Variants in PKMYT1 observed in about 807,000 individuals in gnomAD.
PKMYT1 encodes the protein membrane-associated tyrosine- and threonine-specific cdc2-inhibitory kinase.
A neutral mutation model predicts 49.7 loss-of-function variants in PKMYT1; 35 were observed. That is an observed-to-expected ratio of 0.70 (90% CI 0.54 to 0.93). The LOEUF (loss-of-function observed/expected upper bound fraction) is 0.93, where lower values mean the gene tolerates loss of function less well. Ranked by LOEUF, PKMYT1 falls within the 40% of genes least tolerant of loss-of-function variation. The pLI is 0.00. For missense variants in PKMYT1, 677 were observed against 673.1 expected (o/e 1.01, Z -0.06); for synonymous variants, 331 against 287.6 (o/e 1.15, Z -1.53).
Position 2,976,884 on chromosome 16 carries a change from G to T in PKMYT1, c.158C>A (p.Pro53His). ...RPRGLSRSLP[P>H]PPPAKGSIPI... is the part of the protein sequence containing the mutation. The stretch of plus-strand genomic sequence containing the variant: ...AATGCTGCCCTTGGCAGGGGGCGGA[G>T]GTGGGAGGCTCCGGCTGAGCCCCCT... The change falls in exon 3 of 9, where the codon CCT becomes CAT. Residue 53 changes from proline to histidine, a missense_variant. Transcript: ENST00000262300. The T allele has an allele frequency of 6.5e-7, 1 of 1,535,802 alleles. No individual in the cohort carries two copies. The highest frequency in any genetic ancestry group is 2.4e-5 in the East Asian group (1 of 41,058).
Position 2,972,910 on chromosome 16 carries a change from A to G in PKMYT1, c.*43T>C. On this transcript the variant is annotated 3_prime_UTR_variant, in exon 9 of 9. Transcript: ENST00000262300. ...CCAGCTTTCAAGGGCGACGGGAGAGACACAGGATAAAAGGTTAAAAGTGCA... is the reference window on the plus strand; with the variant it reads ...CCAGCTTTCAAGGGCGACGGGAGAGGCACAGGATAAAAGGTTAAAAGTGCA... 6.4e-7 allele frequency: 1 copy of G among 1,565,804 alleles called. No individual in the cohort carries two copies. Among genetic ancestry groups the G allele is most frequent in the South Asian group, 1.2e-5 (1 of 85,830 alleles).
At chr16:2,975,286 C>T in intron 4 of PKMYT1, 33 bp downstream of exon 4, 1 of 1,565,506 alleles carries the variant, frequency 6.4e-7, no homozygotes, top group Non-Finnish European at 8.7e-7. Context: ...CCTCCCACAG[C>T]CTGCCAAACA....
chr16:2,975,112 C>A lies in PKMYT1; in HGVS notation c.872+207G>T, dbSNP rs1010400757. ...TGTGGAGCTGTGAGGAGGCAGGTTA[C>A]ACAAAGTGGCTCTGGAGGGTTCGAG... On this transcript the variant is annotated intron_variant, in intron 4 of 8. Coordinates refer to ENST00000262300, the MANE Select transcript of PKMYT1 (RefSeq NM_004203.5). Among the ~76,000 whole-genome samples, 3 of 152,318 alleles carry A rather than the reference C, an allele frequency of 2.0e-5. No individual in the cohort carries two copies. The East Asian group carries it at 5.8e-4, about 29-fold the overall frequency.
chr16:2,976,698 C>A lies in PKMYT1; in HGVS notation c.344G>T (p.Arg115Leu). The A allele has an allele frequency of 6.7e-7, 1 of 1,487,990 alleles. No individual in the cohort carries two copies. The highest frequency in any genetic ancestry group is 2.3e-5 in the East Asian group (1 of 42,988). 92.2% of individuals were successfully genotyped at this position (1,487,990 alleles called of 1,614,324 possible). ...FFQQSFQRLS[R>L]LGHGSYGEVF... ...CTCTCCGTAGGAGCCATGGCCCAGG[C>A]GGCTGAGCCTCTGGAAGCTCTGCTG... Residue 115 changes from arginine (R) to leucine (L), a missense_variant, in exon 3 of 9, where the codon CGC becomes CTC. Arg to Leu is a moderately radical substitution (Grantham distance 102, BLOSUM62 -2). Coordinates refer to ENST00000262300, the MANE Select transcript of PKMYT1 (RefSeq NM_004203.5).
At position 2,976,961 on chromosome 16, in the gene PKMYT1, T is replaced by G; in HGVS notation, c.81A>C (p.Pro27=). 1 of 1,556,122 alleles carries G rather than the reference T, an allele frequency of 6.4e-7. No homozygotes were observed. The highest frequency in any genetic ancestry group is 1.4e-5 in the African/African-American group (1 of 73,776). Residue 27 remains proline (P), a synonymous_variant, in exon 3 of 9, where the codon CCA becomes CCC. Coordinates refer to ENST00000262300, the MANE Select transcript of PKMYT1 (RefSeq NM_004203.5). Reference sequence around the variant, plus strand: ...CTGCGTGGCGGAAGTAGGCTGGGACTGGGATGGGGGTGCCACTCAGAGGTG... The same window carrying G: ...CTGCGTGGCGGAAGTAGGCTGGGACGGGGATGGGGGTGCCACTCAGAGGTG... ...TPPPLSGTPI[P]VPAYFRHAEP... is the part of the protein sequence containing the mutation.
intron 2 of PKMYT1, chr16:2,977,635 A>C: frequency 3.1e-6 from 1 of 317,658 alleles, no homozygotes; most frequent in Non-Finnish European, 4.6e-6. Context: ...CACACAGCAA[A>C]CAAAGGTTTA....
At chr16:2,974,841 T>A in intron 4 of PKMYT1, 185 bp from the exon 5 acceptor site, 1 of 592,782 alleles carries the variant, frequency 1.7e-6, no homozygotes, top group Non-Finnish European at 3.0e-6. Context: ...GATGGGGACA[T>A]CATGGAATAT....
chr16:2,979,799 T>C lies in PKMYT1; in HGVS notation c.-142A>G. On this transcript the variant is annotated 5_prime_UTR_variant, in exon 2 of 9. Transcript: ENST00000262300. ...CGGGGCCCTGGGCGATCGGGCCGTCTCGCCTCACCCTCTCACCAGGCCCGA... is the reference window on the plus strand; with the variant it reads ...CGGGGCCCTGGGCGATCGGGCCGTCCCGCCTCACCCTCTCACCAGGCCCGA... 1 of 920,448 alleles carries C rather than the reference T, an allele frequency of 1.1e-6. No homozygotes were observed. Among genetic ancestry groups the C allele is most frequent in the Non-Finnish European group, 1.7e-6 (1 of 587,736 alleles). 57.0% of individuals were successfully genotyped at this position (920,448 alleles called of 1,614,324 possible). A position where few individuals can be genotyped will look rare whatever the true frequency, so the allele number is the denominator to read the frequency against.
Position 2,974,073 on chromosome 16 carries a change from G to C in PKMYT1, c.1237C>G (p.Pro413Ala). 2.5e-6 allele frequency: 4 copies of C among 1,611,430 alleles called. No individual in the cohort carries two copies. The highest frequency in any genetic ancestry group is 2.5e-6 in the Non-Finnish European group (3 of 1,179,374). ...WLQPLGPPAT[P>A]PGSPPCSLLL... The stretch of plus-strand genomic sequence containing the variant: ...AAACTGCAGGGTGGTGAGCCAGGCG[G>C]GGTGGCTGGCGGGCCCAGGGGCTGT... Residue 413 changes from proline to alanine, a missense_variant, in exon 7 of 9, where the codon CCG (proline) becomes GCG (alanine). By Grantham distance (27) the Pro-to-Ala change is conservative (BLOSUM62 -1). Transcript: ENST00000262300.
intron 7 of PKMYT1, 49 bp downstream of exon 7, chr16:2,973,951 A>T: frequency 6.6e-7 from 1 of 1,521,026 alleles, no homozygotes; most frequent in Non-Finnish European, 9.1e-7. Context: ...AGCCCCGGTG[A>T]TATCCCCCAC....
In PKMYT1 at chr16:2,979,855, G is replaced by A. The variant is rs866783117; in HGVS notation, c.-198C>T. The A allele has an allele frequency of 9.6e-6, 6 of 622,210 alleles. No homozygotes were observed. The highest frequency in any genetic ancestry group is 4.2e-4 in the Middle Eastern group (1 of 2,372). The allele number at this position is 622,210 out of a possible 1,614,324, so 38.5% of individuals were successfully genotyped here. A position where few individuals can be genotyped will look rare whatever the true frequency, so the allele number is the denominator to read the frequency against. ...CTGCTGGCCACCTTTCCCGGTAGAC[G>A]GTAAGTTCCTCCCAGGCAGGGCCGC... On this transcript the variant is annotated 5_prime_UTR_variant, in exon 2 of 9. Coordinates refer to ENST00000262300, the MANE Select transcript of PKMYT1 (RefSeq NM_004203.5).
At position 2,972,949 on chromosome 16, in the gene PKMYT1, G is replaced by C; in HGVS notation, c.*4C>G. ...GTTAAAAGTGCAGAGGCAGAGTCTG[G>C]GGCTCAGGTTGGGTCTAGGGTGTCC... On this transcript the variant is annotated 3_prime_UTR_variant, in exon 9 of 9. Coordinates refer to ENST00000262300, the MANE Select transcript of PKMYT1 (RefSeq NM_004203.5). The C allele has an allele frequency of 6.2e-7, 1 of 1,600,416 alleles. No individual in the cohort carries two copies. The highest frequency in any genetic ancestry group is 8.5e-7 in the Non-Finnish European group (1 of 1,174,048).
At chr16:2,973,325 G>A in intron 7 of PKMYT1, 110 bp from the exon 8 acceptor site, 1 of 1,532,358 alleles carries the variant, frequency 6.5e-7, no homozygotes, top group Middle Eastern at 1.7e-4. Flanking sequence ...AACAGGCAGG[G>A]AGCCACAGTC....
intron 3 of PKMYT1, chr16:2,976,113 A>G: frequency 2.6e-6 from 1 of 391,140 alleles, no homozygotes; most frequent in African/African-American, 2.0e-5. Context: ...CAGGCAGCCC[A>G]GGCTGTGGTG....
intron 3 of PKMYT1, 26 bp downstream of exon 3, chr16:2,976,638 G>A (rs780415408): frequency 7.0e-6 from 10 of 1,426,290 alleles, no homozygotes; most frequent in Non-Finnish European, 9.2e-6. Context: ...CCCCCAGATG[G>A]GCCTAGAAGC....
Position 2,979,745 on chromosome 16 carries a change from G to A in PKMYT1, c.-88C>T, listed in dbSNP as rs957532340. On this transcript the variant is annotated 5_prime_UTR_variant, in exon 2 of 9. Transcript: ENST00000262300. ...TGAATCCAGGGTGTCCCTGAGCTAA[G>A]GCCAGGCGGGGGTGACCTCCGCAGC... 3.2e-5 allele frequency: 51 copies of A among 1,575,706 alleles called. No homozygotes were observed. Among genetic ancestry groups the A allele is most frequent in the Non-Finnish European group, 4.3e-5 (50 of 1,150,986 alleles).
At chr16:2,976,302 C>G (rs1227341354) in intron 3 of PKMYT1, among the ~76,000 whole-genome samples, 1 of 152,190 alleles carries the variant, frequency 6.6e-6, no homozygotes, top group Admixed American at 6.5e-5. Flanking sequence ...TAGCTCAAAG[C>G]CTGCCAGCCT....
rs1332136732 is a variant in PKMYT1 at position 2,980,372 on chromosome 16, G to C, written c.-342C>G. On this transcript the variant is annotated 5_prime_UTR_variant, in exon 1 of 9. Coordinates refer to ENST00000262300, the MANE Select transcript of PKMYT1 (RefSeq NM_004203.5). ...CGGGACCCCTCGGGTGGCTCAGCGG[G>C]CCGGAGTCTGCCGTCGACTGTTCCG... 1 of 152,354 alleles carries C rather than the reference G, an allele frequency of 6.6e-6. No homozygotes were observed. The highest frequency in any genetic ancestry group is 1.5e-5 in the Non-Finnish European group (1 of 68,090). The allele number at this position is 152,354 out of a possible 1,614,324, so 9.4% of individuals were successfully genotyped here. A position where few individuals can be genotyped will look rare whatever the true frequency, so the allele number is the denominator to read the frequency against.
chr16:2,974,462 G>A (rs1252901420), intron 5 of PKMYT1, 45 bp from the exon 6 acceptor site: 1 of 1,570,532 alleles, frequency 6.4e-7, no homozygotes, highest in Non-Finnish European at 8.7e-7. Context: ...AACACCGACT[G>A]CACCCTGAGC....
Sources: gnomAD v4.1 joint callset for allele counts (sites outside exome capture counted in the v4.1 genomes callset) on GRCh38, gnomAD v4.1.1 for gene constraint, MANE v1.5 for transcripts, NCBI Gene and HGNC (gene_info 2026-07-23, HGNC 2026-07-21) for gene names.